NUCB1: variants seen among roughly 807,000 people sequenced by gnomAD.
NUCB1 encodes nucleobindin 1, also known as nucleobindin-1.
Under a neutral mutation model 61.2 loss-of-function variants are expected in NUCB1, and 47 were observed. The ratio of observed to expected loss-of-function variants is 0.77; its 90% CI spans 0.61 to 0.98. The LOEUF is 0.98. NUCB1 is among the 50% of genes least tolerant of loss of function. NUCB1 has a pLI of 0.00. For synonymous variants in NUCB1, 234 were observed against 243.1 expected (o/e 0.96, Z 0.35); for missense variants, 583 against 605.3 (o/e 0.96, Z 0.39).
At chr19:48,919,761 ATTTTTTTT>A (rs869087543) in intron 10 of NUCB1, among the ~76,000 whole-genome samples, 1 of 80,988 alleles carries the variant, frequency 1.2e-5, no homozygotes, top group African/African-American at 4.9e-5. Context: ...TAGAGGTGTG[ATTTTTTTT>A]TTTTTTTTTT....
chr19:48,912,566 T>G (rs1325829405), intron 5 of NUCB1, among the ~76,000 whole-genome samples: 2 of 152,144 alleles, frequency 1.3e-5, no homozygotes, highest in Non-Finnish European at 2.9e-5. Flanking sequence ...CTGTGCGCGA[T>G]GGCTCACGCC....
intron 4 of NUCB1, among the ~76,000 whole-genome samples, chr19:48,907,983 G>T (rs2037430337): frequency 6.6e-6 from 1 of 152,166 alleles, no homozygotes; most frequent in Non-Finnish European, 1.5e-5. Context: ...ATCTCCCCTG[G>T]AATGTCACCT....
At chr19:48,901,010 C>A (rs762932566) in intron 2 of NUCB1, 79 bp downstream of exon 2, 3 of 1,551,174 alleles carry the variant, frequency 1.9e-6, no homozygotes, top group Non-Finnish European at 2.7e-6. Context: ...GCCCGTAGGG[C>A]GGATGCTCCA....
At chr19:48,909,850 C>A (rs1421385257) in intron 4 of NUCB1, among the ~76,000 whole-genome samples, 2 of 151,616 alleles carry the variant, frequency 1.3e-5, no homozygotes, top group African/African-American at 4.8e-5. Flanking sequence ...TCATAAATTT[C>A]TGCCTTTTAT....
At chr19:48,908,508 G>A (rs2037435432) in intron 4 of NUCB1, among the ~76,000 whole-genome samples, 2 of 152,148 alleles carry the variant, frequency 1.3e-5, no homozygotes, top group South Asian at 2.1e-4. Context: ...TGGAATAGCG[G>A]CTCAACACAC....
chr19:48,901,161 T>A, intron 2 of NUCB1: 1 of 612,582 alleles, frequency 1.6e-6, no homozygotes. Context: ...AAACGTCTGT[T>A]TTTTTAAGAT....
In NUCB1 at chr19:48,919,305, C is replaced by G. The variant is rs148478259; in HGVS notation, c.1002+19C>G. The G allele has an allele frequency of 6.3e-7, 1 of 1,580,618 alleles. No individual in the cohort carries two copies. The highest frequency in any genetic ancestry group is 1.3e-5 in the African/African-American group (1 of 74,334). ...CTGGGAGGTGAGAACATGGGGGATA[C>G]TCGGGGTCCTGAACCTCTCTCTCTT... On this transcript the variant is annotated intron_variant, in intron 10 of 12. Coordinates refer to ENST00000405315, the MANE Select transcript of NUCB1 (RefSeq NM_006184.6).
chr19:48,903,538 A>T (rs1385592051), intron 2 of NUCB1, among the ~76,000 whole-genome samples: 277 of 64,250 alleles, frequency 4.3e-3, no homozygotes, highest in African/African-American at 8.5e-3. Flanking sequence ...GGGTGGGTGG[A>T]TGGATCGATG....
chr19:48,921,865 G>C lies in NUCB1; in HGVS notation c.1212G>C (p.Gln404His). The change falls in exon 12 of 13, where the codon CAG (glutamine) becomes CAC (histidine). Residue 404 changes from glutamine (Q) to histidine (H), a missense_variant. Gln to His is a conservative substitution (Grantham distance 24). Transcript: ENST00000405315. The part of the protein sequence containing the change: ...LHMEQRKQQQ[Q>H]QQQGHKAPAA... ...TGGAGCAGCGGAAGCAGCAGCAGCAGCAGCAGCAAGGCCACAAGGCCCCGG... is the reference window on the plus strand; with the variant it reads ...TGGAGCAGCGGAAGCAGCAGCAGCACCAGCAGCAAGGCCACAAGGCCCCGG... 1 of 1,612,860 alleles carries C rather than the reference G, an allele frequency of 6.2e-7. No homozygotes were observed. Among genetic ancestry groups the C allele is most frequent in the Non-Finnish European group, 8.5e-7 (1 of 1,179,952 alleles).
chr19:48,918,265 A>C (rs1189007285), intron 7 of NUCB1: 1 of 154,370 alleles, frequency 6.5e-6, no homozygotes, highest in East Asian at 1.9e-4. Flanking sequence ...GAGGGAGCCG[A>C]GGAAGGAGGG....
chr19:48,900,730 G>A, intron 1 of NUCB1, 56 bp from the exon 2 acceptor site: 2 of 1,569,190 alleles, frequency 1.3e-6, no homozygotes, highest in South Asian at 1.2e-5. Context: ...TGGTTCCAGG[G>A]GAGGAAGAGG....
intron 4 of NUCB1, among the ~76,000 whole-genome samples, chr19:48,907,160 G>C (rs1206674385): frequency 4.0e-5 from 6 of 150,908 alleles, no homozygotes; most frequent in Admixed American, 3.3e-4. Context: ...ATTTTTAGTA[G>C]AGACGGAATT....
intron 7 of NUCB1, among the ~76,000 whole-genome samples, chr19:48,915,441 G>A (rs1395668118): frequency 6.6e-6 from 1 of 152,120 alleles, no homozygotes; most frequent in Non-Finnish European, 1.5e-5. Context: ...GAAGGCGGGG[G>A]TTGCAATGAG....
rs550283953 is a variant in NUCB1, at chr19:48,921,494, C to T, written c.1173+170C>T. On this transcript the variant is annotated intron_variant, in intron 11 of 12. Coordinates refer to ENST00000405315, the MANE Select transcript of NUCB1 (RefSeq NM_006184.6). Reference sequence around the variant, plus strand: ...AGGGCAGACGTTTTCCCGTCTCTGACGGCTCTGTGGCTGCCATGTGAGATA... The same window carrying T: ...AGGGCAGACGTTTTCCCGTCTCTGATGGCTCTGTGGCTGCCATGTGAGATA... The T allele has an allele frequency of 1.2e-4, 98 of 811,976 alleles. 1 individual carries two copies. Among genetic ancestry groups the T allele is most frequent in the Non-Finnish European group, 1.7e-4 (83 of 487,634 alleles). The allele number at this position is 811,976 out of a possible 1,614,324, so 50.3% of individuals were successfully genotyped here.
Position 48,921,219 on chromosome 19 carries a change from C to T in NUCB1, c.1068C>T (p.Ala356=), listed in dbSNP as rs2037606076. 6.2e-7 allele frequency: 1 copy of T among 1,613,298 alleles called. No individual in the cohort carries two copies. Among genetic ancestry groups the T allele is most frequent in the Non-Finnish European group, 8.5e-7 (1 of 1,179,940 alleles). Residue 356 remains alanine (A), a synonymous_variant, in exon 11 of 13, where the codon GCC becomes GCT. Transcript: ENST00000405315. ...GGCGCTTTGAAGAGGAGCTGGCTGC[C>T]CGGGAGGCAGAGCTGAATGCCAAGG... The part of the protein sequence containing the change: ...ELRRFEEELA[A]REAELNAKAQ...
intron 2 of NUCB1, among the ~76,000 whole-genome samples, chr19:48,903,906 G>GTGGA (rs1429519010): frequency 4.0e-5 from 5 of 126,172 alleles, no homozygotes; most frequent in Non-Finnish European, 8.5e-5. Context: ...GGATGGATGG[G>GTGGA]TGGATGGATG....
intron 7 of NUCB1, 77 bp downstream of exon 7, chr19:48,913,641 G>C: frequency 1.6e-6 from 2 of 1,249,788 alleles, no homozygotes; most frequent in East Asian, 4.7e-5. Flanking sequence ...GCTAAGAGGG[G>C]TGTGTCTGTC....
chr19:48,916,136 G>C (rs1039980720), intron 7 of NUCB1, among the ~76,000 whole-genome samples: 1 of 151,274 alleles, frequency 6.6e-6, no homozygotes, highest in African/African-American at 2.4e-5. Flanking sequence ...GACTATTTTA[G>C]GTACTTCATG....
Position 48,900,412 on chromosome 19 carries a change from G to A in NUCB1, c.-12+40G>A, listed in dbSNP as rs894931760. Reference sequence around the variant, plus strand: ...TTCCCATACTCTTGGGTCCTAGGGAGGATGGGGGCCAGAGGGCTGGAAAAC... The same window carrying A: ...TTCCCATACTCTTGGGTCCTAGGGAAGATGGGGGCCAGAGGGCTGGAAAAC... On this transcript the variant is annotated intron_variant, in intron 1 of 12. Coordinates refer to ENST00000405315, the MANE Select transcript of NUCB1 (RefSeq NM_006184.6). 6 of 240,678 alleles carry A rather than the reference G, an allele frequency of 2.5e-5. No individual in the cohort carries two copies. The East Asian group carries it at 4.9e-4, about 20-fold the overall frequency. 14.9% of individuals were successfully genotyped at this position (240,678 alleles called of 1,614,324 possible).
Sources: allele counts gnomAD v4.1 joint callset (sites outside exome capture counted in the v4.1 genomes callset), GRCh38; gene constraint gnomAD v4.1.1; transcripts MANE v1.5; gene names NCBI Gene and HGNC (gene_info 2026-07-23, HGNC 2026-07-21).